MARCHF6: variants seen among roughly 807,000 people sequenced by gnomAD.
The protein encoded by MARCHF6 is membrane associated ring-CH-type finger 6.
Under a neutral mutation model 133.7 loss-of-function variants are expected in MARCHF6, and 31 were observed. The observed-to-expected ratio is 0.23, with a 90% CI of 0.17 to 0.31. MARCHF6 has a LOEUF of 0.31. Ranked by LOEUF, MARCHF6 falls within the 10% of genes least tolerant of loss-of-function variation. The probability of loss-of-function intolerance (pLI) is 1.00; values close to 1 mark genes in which losing one functional copy is unlikely to be tolerated. For missense variants in MARCHF6, 723 were observed against 1,121.6 expected (o/e 0.64, Z 5.08); for synonymous variants, 395 against 402.5 (o/e 0.98, Z 0.22).
In MARCHF6 at chr5:10,439,484, TA is replaced by T. The variant is rs1740776102; in HGVS notation, c.*5802del. 1.3e-5 allele frequency: 2 copies of T among 152,200 alleles called. No homozygotes were observed. The highest frequency in any genetic ancestry group is 4.1e-4 in the South Asian group (2 of 4,832). The allele number at this position is 152,200 out of a possible 1,614,324, so 9.4% of individuals were successfully genotyped here. ...GAGAACTTCTCTTTGAAAGGTACCA[TA>T]AGGAGAACAAAAAGACAAGCTGTAG... On this transcript the variant is annotated 3_prime_UTR_variant, in exon 26 of 26. Transcript: ENST00000274140.
At chr5:10,363,026 A>G (rs1009613407) in intron 1 of MARCHF6, among the ~76,000 whole-genome samples, 1 of 152,182 alleles carries the variant, frequency 6.6e-6, no homozygotes, top group Admixed American at 6.5e-5. Flanking sequence ...AGCTTGTACC[A>G]TATACCAAAA....
intron 19 of MARCHF6, among the ~76,000 whole-genome samples, chr5:10,413,724 C>T (rs985988603): frequency 2.2e-4 from 34 of 152,288 alleles, no homozygotes; most frequent in Non-Finnish European, 4.3e-4. Flanking sequence ...TGCAGAGGGA[C>T]TCCCATTTAT....
At chr5:10,354,087 G>T (rs1233245849) in intron 1 of MARCHF6, 170 bp downstream of exon 1, 1 of 526,620 alleles carries the variant, frequency 1.9e-6, no homozygotes, top group Non-Finnish European at 2.9e-6. Flanking sequence ...GACCCTCTGC[G>T]CGCCCCCCGC....
At chr5:10,364,377 T>A (rs907532872) in intron 1 of MARCHF6, among the ~76,000 whole-genome samples, 6 of 152,070 alleles carry the variant, frequency 3.9e-5, no homozygotes, top group Non-Finnish European at 5.9e-5. Flanking sequence ...CTGGAGTGTG[T>A]TGGGTCCTCA....
rs552342258 is a variant in MARCHF6, at chr5:10,387,088, C to T, written c.407+22C>T. On this transcript the variant is annotated intron_variant, in intron 5 of 25. Transcript: ENST00000274140. Reference sequence around the variant, plus strand: ...CAACGTGAGTATTGAACCTCTGTGACGAATGTTGCATGATGTAGATGATGC... The same window carrying T: ...CAACGTGAGTATTGAACCTCTGTGATGAATGTTGCATGATGTAGATGATGC... The T allele has an allele frequency of 1.3e-5, 20 of 1,569,084 alleles. No individual in the cohort carries two copies. In the Admixed American group the frequency reaches 1.8e-4, roughly 14 times the overall value.
rs748029792 is a variant in MARCHF6, at chr5:10,411,570, G to T, written c.1896+33G>T. On this transcript the variant is annotated intron_variant, in intron 19 of 25. Transcript: ENST00000274140. ...CTATACAGACTTAATCACATATAGA[G>T]GTTTTTTTGGTTTTTTTGTTCTCCA... The T allele has an allele frequency of 2.2e-5, 33 of 1,528,210 alleles. 1 individual carries two copies. In the South Asian group the frequency reaches 4.0e-4, roughly 18 times the overall value. The allele number at this position is 1,528,210 out of a possible 1,614,324, so 94.7% of individuals were successfully genotyped here. A position where few individuals can be genotyped will look rare whatever the true frequency, so the allele number is the denominator to read the frequency against.
At chr5:10,430,102 CAT>C in intron 25 of MARCHF6, 74 bp downstream of exon 25, 1 of 1,491,924 alleles carries the variant, frequency 6.7e-7, no homozygotes, top group East Asian at 2.3e-5. Context: ...TGTGACAAAT[CAT>C]AGGAGGGAAA....
chr5:10,405,858 A>G (rs1738853363), intron 16 of MARCHF6, among the ~76,000 whole-genome samples, 181 bp downstream of exon 16: 1 of 152,214 alleles, frequency 6.6e-6, no homozygotes. Context: ...GTTAAAATAA[A>G]TATGTAAAAA....
At chr5:10,359,471 T>C (rs1165561794) in intron 1 of MARCHF6, among the ~76,000 whole-genome samples, 4 of 152,164 alleles carry the variant, frequency 2.6e-5, no homozygotes, top group Non-Finnish European at 5.9e-5. Flanking sequence ...ATGCAGCATA[T>C]AATACAGTAC....
chr5:10,358,080 G>C (rs959650275), intron 1 of MARCHF6, among the ~76,000 whole-genome samples: 8 of 151,564 alleles, frequency 5.3e-5, no homozygotes, highest in African/African-American at 1.9e-4. Context: ...GTAAAGGAAG[G>C]CCTCACTGAG....
chr5:10,368,955 T>C (rs900110072), intron 1 of MARCHF6, among the ~76,000 whole-genome samples: 21 of 149,706 alleles, frequency 1.4e-4, no homozygotes, highest in African/African-American at 5.0e-4. Context: ...AGGCTCTGTT[T>C]CTTTAAAAAA....
At chr5:10,407,687 C>G (rs769152664) in intron 17 of MARCHF6, among the ~76,000 whole-genome samples, 1 of 152,170 alleles carries the variant, frequency 6.6e-6, no homozygotes, top group Non-Finnish European at 1.5e-5. Context: ...GGCGTGGTGG[C>G]TCACGCCTGT....
At chr5:10,380,506 A>G (rs1157707791) in intron 3 of MARCHF6, among the ~76,000 whole-genome samples, 1 of 152,154 alleles carries the variant, frequency 6.6e-6, no homozygotes, top group African/African-American at 2.4e-5. Context: ...TTTTCATTTG[A>G]TAGTTACATT....
At chr5:10,424,582 G>T (rs1164965703) in intron 23 of MARCHF6, among the ~76,000 whole-genome samples, 1 of 152,164 alleles carries the variant, frequency 6.6e-6, no homozygotes, top group Non-Finnish European at 1.5e-5. Flanking sequence ...CCACGTTTAA[G>T]CCATCCTTTA....
rs1740720314 is a variant in MARCHF6, at chr5:10,438,156, G to C, written c.*4472G>C. 1 of 152,182 alleles carries C rather than the reference G, an allele frequency of 6.6e-6. No individual in the cohort carries two copies. 9.4% of individuals were successfully genotyped at this position (152,182 alleles called of 1,614,324 possible). ...TGCATGTCTGCTACGAGATCAGAAA[G>C]TCAGTTTCACTAAGGTTGTCTTTTA... On this transcript the variant is annotated 3_prime_UTR_variant, in exon 26 of 26. Coordinates refer to ENST00000274140, the MANE Select transcript of MARCHF6 (RefSeq NM_005885.4).
At chr5:10,382,453 C>CAA (rs1473080933) in intron 4 of MARCHF6, among the ~76,000 whole-genome samples, 1 of 130,930 alleles carries the variant, frequency 7.6e-6, no homozygotes, top group Non-Finnish European at 1.6e-5. Context: ...GGCAACAGAG[C>CAA]AAGACTTTGT....
rs147062469 is a variant in MARCHF6, at chr5:10,403,965, G to C, written c.1332+424G>C. ...GACATGTAAAATCATTTTGATTTAG[G>C]CGCCTTAAGTATAGAATTACAATGA... On this transcript the variant is annotated intron_variant, in intron 15 of 25. Coordinates refer to ENST00000274140, the MANE Select transcript of MARCHF6 (RefSeq NM_005885.4). 5.4e-3 allele frequency among the ~76,000 whole-genome samples: 821 copies of C among 152,088 alleles called. 5 individuals carry two copies. Among genetic ancestry groups the C allele is most frequent in the Middle Eastern group, 0.014 (4 of 294 alleles).
At chr5:10,377,986 A>G in intron 2 of MARCHF6, 92 bp downstream of exon 2, 1 of 698,616 alleles carries the variant, frequency 1.4e-6, no homozygotes, top group Non-Finnish European at 2.4e-6. Flanking sequence ...CTTTCTCTGT[A>G]ATTATTTTTA....
chr5:10,429,648 G>A (rs1380393034), intron 24 of MARCHF6, among the ~76,000 whole-genome samples: 1 of 152,072 alleles, frequency 6.6e-6, no homozygotes, highest in Non-Finnish European at 1.5e-5. Context: ...TGATCCGCCC[G>A]CCTTGGCCTC....
Sources: allele counts gnomAD v4.1 joint callset (sites outside exome capture counted in the v4.1 genomes callset), GRCh38; gene constraint gnomAD v4.1.1; transcripts MANE v1.5; gene names NCBI Gene and HGNC (gene_info 2026-07-23, HGNC 2026-07-21).